The following GPR107 variants were observed in gnomAD, a reference collection of about 807,000 sequenced individuals.
The protein encoded by GPR107 is G protein-coupled receptor 107.
Under a neutral mutation model 75.5 loss-of-function variants are expected in GPR107, and 31 were observed. That is an observed-to-expected ratio of 0.41 (90% CI 0.31 to 0.55). The LOEUF (loss-of-function observed/expected upper bound fraction) is 0.55, where lower values mean the gene tolerates loss of function less well. Ranked by LOEUF, GPR107 falls within the 20% of genes least tolerant of loss-of-function variation. GPR107 has a pLI of 0.26. For missense variants in GPR107, 572 were observed against 665.7 expected (o/e 0.86, Z 1.55); for synonymous variants, 267 against 251.3 (o/e 1.06, Z -0.59).
At chr9:130,099,635 A>G (rs975990669) in intron 10 of GPR107, 103 bp downstream of exon 10, 9 of 699,060 alleles carry the variant, frequency 1.3e-5, no homozygotes, top group Non-Finnish European at 1.8e-5. Flanking sequence ...TGGGAAACAA[A>G]GACAAAGAAT....
chr9:130,084,187 C>T (rs771002122), intron 6 of GPR107, among the ~76,000 whole-genome samples: 64 of 151,162 alleles, frequency 4.2e-4, no homozygotes, highest in Non-Finnish European at 7.7e-4. Context: ...CACTTGAGAT[C>T]AGGAGTTCGA....
At chr9:130,054,706 C>G (rs1203604592) in intron 1 of GPR107, among the ~76,000 whole-genome samples, 1 of 152,232 alleles carries the variant, frequency 6.6e-6, no homozygotes. Context: ...GAATGATACT[C>G]TGGATCTTGC....
chr9:130,113,524 C>T (rs1316323640), intron 14 of GPR107, among the ~76,000 whole-genome samples: 1 of 152,210 alleles, frequency 6.6e-6, no homozygotes, highest in Non-Finnish European at 1.5e-5. Flanking sequence ...AGCCACCACA[C>T]CCGGCCAGTT....
chr9:130,101,078 G>A lies in GPR107; in HGVS notation c.1014-28G>A, dbSNP rs773582610. On this transcript the variant is annotated intron_variant, in intron 11 of 17. Transcript: ENST00000347136. Reference sequence around the variant, plus strand: ...CAGTGAGAGTCTAAAGAGACCTGCTGGTGTCTGTTCCTTGTTTTCTCTTCC... The same window carrying A: ...CAGTGAGAGTCTAAAGAGACCTGCTAGTGTCTGTTCCTTGTTTTCTCTTCC... The A allele has an allele frequency of 2.5e-6, 3 of 1,214,904 alleles. No homozygotes were observed. The Admixed American group carries it at 5.0e-5, about 20-fold the overall frequency. The allele number at this position is 1,214,904 out of a possible 1,614,324, so 75.3% of individuals were successfully genotyped here. A position where few individuals can be genotyped will look rare whatever the true frequency, so the allele number is the denominator to read the frequency against.
At chr9:130,063,445 C>T (rs1199402828) in intron 1 of GPR107, among the ~76,000 whole-genome samples, 2 of 152,230 alleles carry the variant, frequency 1.3e-5, no homozygotes, top group Non-Finnish European at 2.9e-5. Flanking sequence ...CCGCCTTGGC[C>T]TCCCAAAGTG....
intron 1 of GPR107, among the ~76,000 whole-genome samples, chr9:130,069,430 G>A (rs1005795317): frequency 1.3e-5 from 2 of 152,204 alleles, no homozygotes; most frequent in Non-Finnish European, 2.9e-5. Context: ...TAGGGTGGAA[G>A]TGGAGAAGGT....
At chr9:130,109,556 G>T (rs1019480003) in intron 14 of GPR107, among the ~76,000 whole-genome samples, 1 of 141,892 alleles carries the variant, frequency 7.0e-6, no homozygotes, top group African/African-American at 2.6e-5. Context: ...TGGTGAACAG[G>T]TAGTCTTTTT....
intron 14 of GPR107, among the ~76,000 whole-genome samples, chr9:130,116,087 A>C (rs902246664): frequency 6.6e-6 from 1 of 152,220 alleles, no homozygotes; most frequent in Admixed American, 6.5e-5. Context: ...CTCTCAGTTC[A>C]TTTAAGCTAC....
rs1320502488 is a variant in GPR107, at chr9:130,139,606, CGGGGACCTGTT to C, written c.*4488_*4498del. ...TGGGCATGGCTTGGCCTCGCTACCT[CGGGGACCTGTT>C]GGAGTTCTGGCAGCAGGGTGTCTGC... On this transcript the variant is annotated 3_prime_UTR_variant, in exon 18 of 18. Transcript: ENST00000347136. The C allele has an allele frequency of 6.6e-6, 1 of 152,390 alleles. No homozygotes were observed. Among genetic ancestry groups the C allele is most frequent in the East Asian group, 1.9e-4 (1 of 5,202 alleles). The allele number at this position is 152,390 out of a possible 1,614,324, so 9.4% of individuals were successfully genotyped here. A position where few individuals can be genotyped will look rare whatever the true frequency, so the allele number is the denominator to read the frequency against.
intron 1 of GPR107, among the ~76,000 whole-genome samples, chr9:130,073,771 T>G (rs868649628): frequency 4.6e-5 from 7 of 152,182 alleles, no homozygotes; most frequent in Admixed American, 1.3e-4. Context: ...TGTTGTTGTT[T>G]TTGAGACAGA....
At chr9:130,076,040 A>T (rs1589492087) in intron 2 of GPR107, among the ~76,000 whole-genome samples, 1 of 151,804 alleles carries the variant, frequency 6.6e-6, no homozygotes, top group East Asian at 1.9e-4. Context: ...TTGGCCTCCC[A>T]AAGTGCTGGG....
chr9:130,116,267 C>T (rs1831427135), intron 14 of GPR107, among the ~76,000 whole-genome samples: 1 of 152,208 alleles, frequency 6.6e-6, no homozygotes, highest in African/African-American at 2.4e-5. Context: ...CTCCCTGGAC[C>T]TGCCTGGGCC....
chr9:130,126,895 C>G (rs771661380), intron 15 of GPR107, among the ~76,000 whole-genome samples: 116 of 152,264 alleles, frequency 7.6e-4, no homozygotes, highest in Middle Eastern at 6.8e-3. Flanking sequence ...GGTCCTTGAC[C>G]AGCAGGCCAG....
chr9:130,111,455 C>T lies in GPR107; in HGVS notation c.1306+3916C>T, dbSNP rs185118331. On this transcript the variant is annotated intron_variant, in intron 14 of 17. Coordinates refer to ENST00000347136, the MANE Select transcript of GPR107 (RefSeq NM_020960.5). ...GGTGAGGTGAGAAGATCACTTGAGC[C>T]CAGGAGATCAAGGCTACAGTGAGCT... is the stretch of plus-strand genomic sequence containing the variant. Among the ~76,000 whole-genome samples, 211 of 152,140 alleles carry T rather than the reference C, an allele frequency of 1.4e-3. 1 individual carries two copies. Among genetic ancestry groups the T allele is most frequent in the African/African-American group, 5.0e-3 (207 of 41,520 alleles).
At chr9:130,099,813 TG>T (rs1589511655) in intron 10 of GPR107, among the ~76,000 whole-genome samples, 3 of 148,634 alleles carry the variant, frequency 2.0e-5, no homozygotes, top group Non-Finnish European at 3.0e-5. Context: ...TGGTTTGTTT[TG>T]TTTTTTTACC....
chr9:130,060,038 C>T (rs369939841), intron 1 of GPR107, among the ~76,000 whole-genome samples: 24 of 151,392 alleles, frequency 1.6e-4, no homozygotes, highest in East Asian at 9.7e-4. Flanking sequence ...CCAGGCCCAG[C>T]GTGATCAGTA....
intron 1 of GPR107, among the ~76,000 whole-genome samples, chr9:130,057,184 G>A (rs1365364982): frequency 1.3e-5 from 2 of 152,042 alleles, no homozygotes; most frequent in African/African-American, 2.4e-5. Flanking sequence ...TGAGTACCAG[G>A]AGTATGCGTT....
intron 14 of GPR107, among the ~76,000 whole-genome samples, chr9:130,115,415 C>T (rs548912533): frequency 2.0e-5 from 3 of 151,954 alleles, no homozygotes; most frequent in African/African-American, 7.3e-5. Context: ...TCTATCACTT[C>T]CACTGGAATG....
chr9:130,124,970 T>TA lies in GPR107; in HGVS notation c.1356+20dup, dbSNP rs11316087. 226 of 928,418 alleles carry TA rather than the reference T, an allele frequency of 2.4e-4. No homozygotes were observed. The highest frequency in any genetic ancestry group is 2.9e-4 in the Non-Finnish European group (187 of 635,166). 57.5% of individuals were successfully genotyped at this position (928,418 alleles called of 1,614,324 possible). A position where few individuals can be genotyped will look rare whatever the true frequency, so the allele number is the denominator to read the frequency against. On this transcript the variant is annotated splice_region_variant and intron_variant, in intron 15 of 17. Transcript: ENST00000347136. The stretch of plus-strand genomic sequence containing the variant: ...TCAGACATTATTACGTCTTGGTAAG[T>TA]AAAAAAAAAAAAAATCCTCAATCTA...
Sources: allele counts gnomAD v4.1 joint callset (sites outside exome capture counted in the v4.1 genomes callset), GRCh38; gene constraint gnomAD v4.1.1; transcripts MANE v1.5; gene names NCBI Gene and HGNC (gene_info 2026-07-23, HGNC 2026-07-21).